OPCML: variants seen among roughly 807,000 people sequenced by gnomAD.
The protein encoded by OPCML is opioid-binding protein/cell adhesion molecule.
OPCML carries 13 observed loss-of-function variants against 37.8 expected under a neutral mutation model. The ratio of observed to expected loss-of-function variants is 0.34; its 90% CI spans 0.22 to 0.55. The LOEUF is 0.55. Ranked by LOEUF, OPCML falls within the 20% of genes least tolerant of loss-of-function variation. OPCML has a pLI of 0.91. For missense variants in OPCML, 341 were observed against 435.6 expected (o/e 0.78, Z 1.93); for synonymous variants, 176 against 168.8 (o/e 1.04, Z -0.33).
At chr11:132,592,310 G>T (rs1448323415) in intron 3 of OPCML, among the ~76,000 whole-genome samples, 1 of 152,196 alleles carries the variant, frequency 6.6e-6, no homozygotes, top group Non-Finnish European at 1.5e-5. Context: ...GTACCTTGGA[G>T]CCTGAGGGAG....
intron 2 of OPCML, among the ~76,000 whole-genome samples, chr11:132,898,842 C>T (rs1257314654): frequency 6.6e-6 from 1 of 151,410 alleles, no homozygotes; most frequent in East Asian, 1.9e-4. Context: ...TAGACTGCCC[C>T]CCCCACCCCC....
chr11:133,426,327 C>T (rs757784631), intron 1 of OPCML, among the ~76,000 whole-genome samples: 1 of 152,086 alleles, frequency 6.6e-6, no homozygotes, highest in Non-Finnish European at 1.5e-5. Context: ...CTGATGTTAT[C>T]TCTATCAACT....
chr11:132,466,317 C>CA (rs35491939), intron 4 of OPCML, among the ~76,000 whole-genome samples: 4,545 of 105,232 alleles, frequency 0.043, 134 homozygotes, highest in African/African-American at 0.084. Context: ...ACTAAAAATA[C>CA]AAAAAAAAAA....
At chr11:133,333,137 C>T (rs1329210170) in intron 1 of OPCML, among the ~76,000 whole-genome samples, 1 of 152,112 alleles carries the variant, frequency 6.6e-6, no homozygotes, top group African/African-American at 2.4e-5. Flanking sequence ...CAGCACACTG[C>T]AACCTCTGCC....
chr11:133,123,305 C>G (rs1256451001), intron 1 of OPCML, among the ~76,000 whole-genome samples: 1 of 152,138 alleles, frequency 6.6e-6, no homozygotes, highest in African/African-American at 2.4e-5. Flanking sequence ...TTGAAAAGAT[C>G]ATGAATATTA....
intron 2 of OPCML, among the ~76,000 whole-genome samples, chr11:132,882,287 A>T (rs1943249778): frequency 6.6e-6 from 1 of 152,240 alleles, no homozygotes; most frequent in Admixed American, 6.5e-5. Flanking sequence ...CGACTTTTAA[A>T]CAAAACAAAA....
At chr11:133,458,065 G>C (rs1276033647) in intron 1 of OPCML, among the ~76,000 whole-genome samples, 1 of 151,908 alleles carries the variant, frequency 6.6e-6, no homozygotes, top group Non-Finnish European at 1.5e-5. Flanking sequence ...AGAATCGCTT[G>C]AACCCAGGAG....
chr11:133,060,649 C>T (rs1276541060), intron 1 of OPCML, among the ~76,000 whole-genome samples: 1 of 152,230 alleles, frequency 6.6e-6, no homozygotes, highest in Non-Finnish European at 1.5e-5. Flanking sequence ...GGTGAGAAAA[C>T]AGGCCTCTTA....
chr11:132,870,047 CACCT>C (rs1942734793), intron 2 of OPCML, among the ~76,000 whole-genome samples: 1 of 152,148 alleles, frequency 6.6e-6, no homozygotes, highest in Admixed American at 6.5e-5. Flanking sequence ...ATAAGCTCCA[CACCT>C]ACCTACTACA....
chr11:133,419,378 CG>C, intron 1 of OPCML: 1 of 979,740 alleles, frequency 1.0e-6, no homozygotes, highest in Non-Finnish European at 1.2e-6. Context: ...TCTACCCACT[CG>C]TCAGAGCTTA....
At chr11:133,436,480 G>T (rs1464630401) in intron 1 of OPCML, among the ~76,000 whole-genome samples, 1 of 152,058 alleles carries the variant, frequency 6.6e-6, no homozygotes, top group Non-Finnish European at 1.5e-5. Context: ...GTTTCACTCC[G>T]CTCATCTTTC....
intron 1 of OPCML, among the ~76,000 whole-genome samples, chr11:132,961,788 A>G (rs370966539): frequency 1.6e-4 from 25 of 152,286 alleles, no homozygotes; most frequent in African/African-American, 6.0e-4. Context: ...TTCTAGGAAA[A>G]TATTGACATT....
intron 2 of OPCML, among the ~76,000 whole-genome samples, chr11:132,806,956 C>T (rs544507804): frequency 4.6e-5 from 7 of 151,996 alleles, no homozygotes; most frequent in South Asian, 2.1e-4. Flanking sequence ...GGAGAAGTCA[C>T]AAAAAATGCA....
At chr11:133,161,592 AT>A (rs1592061576) in intron 1 of OPCML, among the ~76,000 whole-genome samples, 1 of 152,168 alleles carries the variant, frequency 6.6e-6, no homozygotes, top group African/African-American at 2.4e-5. Context: ...GCTGGCCGAT[AT>A]TGAGGTTCAC....
Position 132,744,780 on chromosome 11 carries a change from G to A in OPCML, c.147-87461C>T, listed in dbSNP as rs114280605. Among the ~76,000 whole-genome samples, 1,306 of 152,290 alleles carry A rather than the reference G, an allele frequency of 8.6e-3. 17 individuals carry two copies. The highest frequency in any genetic ancestry group is 0.03 in the African/African-American group (1,247 of 41,560). ...ACAAAGGGAGCAAATAAATGCTGAG[G>A]GGACACCCAAAATATAAAGTGGGGG... On this transcript the variant is annotated intron_variant, in intron 2 of 7. Transcript: ENST00000524381.
At chr11:132,781,956 T>TATGTA (rs60530108) in intron 2 of OPCML, among the ~76,000 whole-genome samples, 1 of 50,916 alleles carries the variant, frequency 2.0e-5, no homozygotes, top group African/African-American at 6.5e-5. Flanking sequence ...ATATATATAT[T>TATGTA]TTTTTTTTTT....
At chr11:133,006,003 CTT>C (rs1947103001) in intron 1 of OPCML, 1 of 985,290 alleles carries the variant, frequency 1.0e-6, no homozygotes, top group Non-Finnish European at 1.2e-6. Flanking sequence ...TTGCCCTTCT[CTT>C]TTCCTTCTGA....
chr11:132,749,539 T>G (rs1422436971), intron 2 of OPCML, among the ~76,000 whole-genome samples: 1 of 152,142 alleles, frequency 6.6e-6, no homozygotes, highest in African/African-American at 2.4e-5. Context: ...AGAGATGTCA[T>G]GTAGGCAGTT....
At chr11:133,185,554 G>A (rs1351482557) in intron 1 of OPCML, among the ~76,000 whole-genome samples, 1 of 152,194 alleles carries the variant, frequency 6.6e-6, no homozygotes, top group Non-Finnish European at 1.5e-5. Flanking sequence ...GAACACTTGA[G>A]CATAGGGAAT....
Sources: gnomAD v4.1 joint callset for allele counts (sites outside exome capture counted in the v4.1 genomes callset) on GRCh38, gnomAD v4.1.1 for gene constraint, MANE v1.5 for transcripts, NCBI Gene and HGNC (gene_info 2026-07-23, HGNC 2026-07-21) for gene names.